Variants in TASP1 observed in about 807,000 individuals in gnomAD.
The protein encoded by TASP1 is taspase 1.
A neutral mutation model predicts 56.6 loss-of-function variants in TASP1; 16 were observed. The observed-to-expected ratio is 0.28, with a 90% CI of 0.19 to 0.43. The LOEUF (loss-of-function observed/expected upper bound fraction) is 0.43, where lower values mean the gene tolerates loss of function less well. Among genes scored for constraint, TASP1 ranks in the 20% least tolerant of loss-of-function variants. The pLI, the probability that TASP1 is intolerant of heterozygous loss-of-function variation, is 1.00. For synonymous variants in TASP1, 179 were observed against 184.2 expected (o/e 0.97, Z 0.23); for missense variants, 393 against 511.6 (o/e 0.77, Z 2.24).
chr20:13,463,430 G>A (rs1454959285), intron 11 of TASP1, among the ~76,000 whole-genome samples: 1 of 151,880 alleles, frequency 6.6e-6, no homozygotes, highest in Admixed American at 6.6e-5. Flanking sequence ...AAAACACAGG[G>A]GGCAAGCTTC....
chr20:13,323,647 C>T, the TASP1 span, among the ~76,000 whole-genome samples: 1 of 152,128 alleles, frequency 6.6e-6, no homozygotes, highest in East Asian at 1.9e-4. Context: ...ATTTGATAAC[C>T]TGCATTTATT....
chr20:13,609,970 CA>C (rs1402345548), intron 4 of TASP1, among the ~76,000 whole-genome samples: 1 of 152,108 alleles, frequency 6.6e-6, no homozygotes, highest in Non-Finnish European at 1.5e-5. Flanking sequence ...ACACTGTGAA[CA>C]AACTTTAAAA....
At chr20:13,321,016 T>C in the TASP1 span, among the ~76,000 whole-genome samples, 4 of 151,984 alleles carry the variant, frequency 2.6e-5, no homozygotes, top group South Asian at 2.1e-4. Context: ...CTGTCCAACA[T>C]GGTGGAACCC....
At chr20:13,521,303 TGC>T (rs1477789509) in intron 10 of TASP1, among the ~76,000 whole-genome samples, 1 of 152,222 alleles carries the variant, frequency 6.6e-6, no homozygotes, top group African/African-American at 2.4e-5. Context: ...GAAATCATGC[TGC>T]TATAAAGACA....
the TASP1 span, among the ~76,000 whole-genome samples, chr20:13,338,947 CCATG>C: frequency 1.3e-5 from 2 of 152,044 alleles, no homozygotes; most frequent in Admixed American, 1.3e-4. Flanking sequence ...ATACACACAC[CCATG>C]CATGCACACA....
chr20:13,602,947 G>A (rs1366831943), intron 4 of TASP1, among the ~76,000 whole-genome samples: 2 of 152,146 alleles, frequency 1.3e-5, no homozygotes, highest in East Asian at 3.8e-4. Context: ...AAAGAAAAAT[G>A]GGGCCAGGCA....
intron 10 of TASP1, among the ~76,000 whole-genome samples, chr20:13,512,717 T>A (rs6074619): frequency 3.3e-5 from 5 of 152,018 alleles, no homozygotes; most frequent in Non-Finnish European, 7.4e-5. Context: ...TTTTCTTATA[T>A]GGTTTTTATG....
intron 4 of TASP1, among the ~76,000 whole-genome samples, chr20:13,589,246 A>T (rs980071752): frequency 3.3e-5 from 5 of 151,920 alleles, no homozygotes; most frequent in African/African-American, 1.2e-4. Context: ...TTTAGTAGAG[A>T]CAGGGTTTTC....
At chr20:13,450,986 A>G (rs1243763871) in intron 11 of TASP1, among the ~76,000 whole-genome samples, 1 of 152,114 alleles carries the variant, frequency 6.6e-6, no homozygotes, top group Non-Finnish European at 1.5e-5. Flanking sequence ...GAGTTTCAGT[A>G]TGGATATTAT....
At chr20:13,323,709 T>C in the TASP1 span, among the ~76,000 whole-genome samples, 2 of 152,212 alleles carry the variant, frequency 1.3e-5, no homozygotes, top group Admixed American at 6.5e-5. Context: ...CCAGAGTTAA[T>C]TACTAAAAGA....
At chr20:13,376,377 A>T in the TASP1 span, among the ~76,000 whole-genome samples, 3 of 152,114 alleles carry the variant, frequency 2.0e-5, no homozygotes, top group African/African-American at 4.8e-5. Flanking sequence ...CAAAGATCAG[A>T]TGGTTGTAGA....
At chr20:13,269,517 T>C in the TASP1 span, among the ~76,000 whole-genome samples, 1 of 152,228 alleles carries the variant, frequency 6.6e-6, no homozygotes, top group Non-Finnish European at 1.5e-5. Context: ...TCCTTCTCTC[T>C]ACAACAGCTT....
At chr20:13,279,706 T>G in the TASP1 span, 2 of 1,614,034 alleles carry the variant, frequency 1.2e-6, no homozygotes, top group Non-Finnish European at 1.7e-6. Flanking sequence ...TAAGCCCAGC[T>G]GGTCAGTCCC....
intron 11 of TASP1, among the ~76,000 whole-genome samples, chr20:13,436,696 T>C (rs1265092276): frequency 1.3e-5 from 2 of 152,100 alleles, no homozygotes; most frequent in African/African-American, 4.8e-5. Flanking sequence ...GCTCCCAGGA[T>C]GCAAGAAATC....
chr20:13,280,147 G>T, the TASP1 span, among the ~76,000 whole-genome samples: 74 of 152,172 alleles, frequency 4.9e-4, 1 homozygote, highest in African/African-American at 1.5e-3. Context: ...ATTTTTTTAG[G>T]ATCTTTGGGG....
intron 10 of TASP1, among the ~76,000 whole-genome samples, chr20:13,518,904 T>C (rs534478927): frequency 1.2e-4 from 19 of 152,228 alleles, no homozygotes; most frequent in South Asian, 1.0e-3. Flanking sequence ...TTATTCACTA[T>C]AGCAAAGACC....
chr20:13,129,886 T>G, the TASP1 span, among the ~76,000 whole-genome samples: 1 of 152,224 alleles, frequency 6.6e-6, no homozygotes, highest in Non-Finnish European at 1.5e-5. Context: ...TTTGGTTACT[T>G]TTTTAACCTC....
the TASP1 span, among the ~76,000 whole-genome samples, chr20:13,151,546 G>A: frequency 6.6e-6 from 1 of 152,126 alleles, no homozygotes; most frequent in Admixed American, 6.5e-5. Context: ...CTGGAGTTGG[G>A]AAAAAGAAAG....
In TASP1 at chr20:13,576,363, AAGAAAGAAAGAAAGAAAG is replaced by A. The variant is rs1318421208; in HGVS notation, c.488+4516_488+4533del. On this transcript the variant is annotated intron_variant, in intron 6 of 13. Transcript: ENST00000337743. ...AAAGGAAGAAAGAAAGAAAGAAAGA[AAGAAAGAAAGAAAGAAAG>A]AAAGAAAGAAAGAAAGTCAGTCTTA... is the stretch of plus-strand genomic sequence containing the variant. 6.5e-5 allele frequency among the ~76,000 whole-genome samples: 8 copies of A among 123,196 alleles called. No homozygotes were observed. The East Asian group carries it at 1.5e-3, about 24-fold the overall frequency. The allele number at this position is 123,196 out of a possible 152,430, so 80.8% of individuals were successfully genotyped here.
Sources: gnomAD v4.1 joint callset for allele counts (sites outside exome capture counted in the v4.1 genomes callset) on GRCh38, gnomAD v4.1.1 for gene constraint, MANE v1.5 for transcripts, NCBI Gene and HGNC (gene_info 2026-07-23, HGNC 2026-07-21) for gene names.